Variants in TNFRSF13B observed in about 807,000 individuals in gnomAD.
The protein encoded by TNFRSF13B is TNF receptor superfamily member 13B.
In TNFRSF13B, 34 loss-of-function variants were observed where a neutral mutation model predicts 24.0. That is an observed-to-expected ratio of 1.41 (90% CI 1.08 to 1.88). TNFRSF13B has a LOEUF of 1.88. Among genes scored for constraint, TNFRSF13B ranks in the 40% most tolerant of loss-of-function variants. The probability of loss-of-function intolerance (pLI) is 0.00; values close to 1 mark genes in which losing one functional copy is unlikely to be tolerated. For synonymous variants in TNFRSF13B, 173 were observed against 150.3 expected (o/e 1.15, Z -1.10); for missense variants, 415 against 380.8 (o/e 1.09, Z -0.75).
intron 1 of TNFRSF13B, among the ~76,000 whole-genome samples, chr17:16,967,751 C>CAAAAAAA (rs975103327): frequency 4.5e-4 from 11 of 24,468 alleles, no homozygotes; most frequent in African/African-American, 9.2e-4. Flanking sequence ...GACTCCGTCT[C>CAAAAAAA]AAAAAAAAAA....
chr17:16,940,646 C>G, intron 3 of TNFRSF13B, 135 bp from the exon 4 acceptor site: 1 of 1,510,936 alleles, frequency 6.6e-7, no homozygotes, highest in Non-Finnish European at 8.8e-7. Flanking sequence ...CTTTTCTGAC[C>G]CTGAGGCTGC....
At chr17:16,959,700 A>G (rs2087648595) in intron 1 of TNFRSF13B, among the ~76,000 whole-genome samples, 2 of 152,082 alleles carry the variant, frequency 1.3e-5, no homozygotes, top group South Asian at 2.1e-4. Context: ...ACTATAAACA[A>G]TGGTACACCA....
chr17:16,952,174 G>C, intron 2 of TNFRSF13B, among the ~76,000 whole-genome samples: 1 of 152,222 alleles, frequency 6.6e-6, no homozygotes, highest in Non-Finnish European at 1.5e-5. Flanking sequence ...TGAGTAGGAG[G>C]GAGCTGAGGG....
intron 3 of TNFRSF13B, among the ~76,000 whole-genome samples, chr17:16,945,444 T>C (rs955973604): frequency 1.3e-5 from 2 of 152,248 alleles, no homozygotes; most frequent in African/African-American, 4.8e-5. Context: ...CCCCAGACTG[T>C]GCTCAAATCC....
intron 1 of TNFRSF13B, among the ~76,000 whole-genome samples, chr17:16,966,786 C>T (rs530710622): frequency 6.7e-6 from 1 of 149,646 alleles, no homozygotes; most frequent in South Asian, 2.1e-4. Context: ...AGTATATGTG[C>T]TGCCGAAGTG....
chr17:16,948,409 G>A (rs1234761253), intron 3 of TNFRSF13B, among the ~76,000 whole-genome samples: 1 of 152,228 alleles, frequency 6.6e-6, no homozygotes, highest in African/African-American at 2.4e-5. Context: ...TGGAGGGCAG[G>A]TGGTGGCTGC....
At chr17:16,941,345 C>G in intron 3 of TNFRSF13B, 1 of 987,706 alleles carries the variant, frequency 1.0e-6, no homozygotes, top group South Asian at 4.7e-5. Context: ...CCTGGCCACC[C>G]TATGACTCAG....
At position 16,948,817 on chromosome 17, in the gene TNFRSF13B, C is replaced by A. The variant is rs752157746; in HGVS notation, c.366G>T (p.Arg122=). 4.3e-6 allele frequency: 7 copies of A among 1,614,246 alleles called. No homozygotes were observed. The South Asian group carries it at 7.7e-5, about 18-fold the overall frequency. Residue 122 remains arginine, a synonymous_variant, in exon 3 of 5, where the codon CGG becomes CGT. Transcript: ENST00000261652. ...CTGAATTGTTTTCAACTTCTCCACT[C>A]CGCTGTCTCCTGAGCTCTGGTGGAA... is the stretch of plus-strand genomic sequence containing the variant. ...VNLPPELRRQ[R]SGEVENNSDN...
At chr17:16,962,222 G>C (rs2087667068) in intron 1 of TNFRSF13B, among the ~76,000 whole-genome samples, 1 of 152,138 alleles carries the variant, frequency 6.6e-6, no homozygotes, top group Non-Finnish European at 1.5e-5. Context: ...GAAAAGAAAG[G>C]TAGGCCAGGT....
chr17:16,946,095 G>A (rs183962419), intron 3 of TNFRSF13B, among the ~76,000 whole-genome samples: 5 of 152,308 alleles, frequency 3.3e-5, no homozygotes, highest in East Asian at 1.9e-4. Context: ...ACACACCTCC[G>A]CATTTGGGGA....
rs1331962333 is a variant in TNFRSF13B at position 16,953,266 on chromosome 17, G to A, written c.62-683C>T. On this transcript the variant is annotated intron_variant, in intron 1 of 4. Coordinates refer to ENST00000261652, the MANE Select transcript of TNFRSF13B (RefSeq NM_012452.3). Reference sequence around the variant, plus strand: ...TTAAGTGAATGGTTTCTTTAAGTACGGACCAACTCAGTGCCTAGCACACAG... The same window carrying A: ...TTAAGTGAATGGTTTCTTTAAGTACAGACCAACTCAGTGCCTAGCACACAG... Among the ~76,000 whole-genome samples, 4 of 152,170 alleles carry A rather than the reference G, an allele frequency of 2.6e-5. 1 individual carries two copies. In the South Asian group the frequency reaches 6.2e-4, roughly 24 times the overall value.
chr17:16,972,029 T>G lies in TNFRSF13B; in HGVS notation c.47A>C (p.Asp16Ala). The change falls in exon 1 of 5, where the codon GAC becomes GCC. Residue 16 changes from aspartate to alanine, a missense_variant. Asp to Ala is a moderately radical substitution (Grantham distance 126). Coordinates refer to ENST00000261652, the MANE Select transcript of TNFRSF13B (RefSeq NM_012452.3). ...CGGCTACTCACAGCGCTCCTCCTGG[T>G]CCACACGGCTCCGGCCACCTCGCCT... ...RSRRGGRSRV[D>A]QEERFPQGLW... 1.2e-6 allele frequency: 2 copies of G among 1,614,076 alleles called. No homozygotes were observed. The highest frequency in any genetic ancestry group is 8.5e-7 in the Non-Finnish European group (1 of 1,180,014).
chr17:16,939,886 C>G, intron 4 of TNFRSF13B, 89 bp from the exon 5 acceptor site: 1 of 1,453,432 alleles, frequency 6.9e-7, no homozygotes, highest in Non-Finnish European at 9.1e-7. Context: ...TCTCCCCCGA[C>G]CCAGGAGCTA....
In TNFRSF13B at chr17:16,951,063, A is replaced by G. The variant is rs973959548; in HGVS notation, c.199+1383T>C. 1.1e-4 allele frequency among the ~76,000 whole-genome samples: 17 copies of G among 152,294 alleles called. No individual in the cohort carries two copies. The East Asian group carries it at 1.3e-3, about 12-fold the overall frequency. ...TATTTCCATGGGGCTGGAGCACTCCATCTATGTTTGTGGGATGAACCAATG... is the reference window on the plus strand; with the variant it reads ...TATTTCCATGGGGCTGGAGCACTCCGTCTATGTTTGTGGGATGAACCAATG... On this transcript the variant is annotated intron_variant, in intron 2 of 4. Transcript: ENST00000261652.
intron 1 of TNFRSF13B, among the ~76,000 whole-genome samples, chr17:16,956,982 G>A (rs1455881767): frequency 2.0e-5 from 3 of 152,088 alleles, no homozygotes; most frequent in African/African-American, 4.8e-5. Context: ...CACTGAGAGT[G>A]AACCCTAATG....
intron 1 of TNFRSF13B, among the ~76,000 whole-genome samples, chr17:16,966,832 C>CTTTTTTTTTTT (rs796602708): frequency 3.1e-5 from 3 of 95,846 alleles, no homozygotes; most frequent in East Asian, 4.7e-4. Context: ...TTTTCTTTTT[C>CTTTTTTTTTTT]TTTTTTCTTT....
intron 3 of TNFRSF13B, among the ~76,000 whole-genome samples, chr17:16,948,459 T>G (rs940152413): frequency 1.3e-5 from 2 of 152,250 alleles, no homozygotes; most frequent in Admixed American, 6.5e-5. Context: ...TGCTTACTTG[T>G]GCCTGTGCTT....
At chr17:16,947,222 A>G (rs2087555933) in intron 3 of TNFRSF13B, among the ~76,000 whole-genome samples, 1 of 152,234 alleles carries the variant, frequency 6.6e-6, no homozygotes, top group African/African-American at 2.4e-5. Context: ...TTACAGATTT[A>G]AATGTAAGAC....
At chr17:16,967,552 T>C (rs1232979974) in intron 1 of TNFRSF13B, among the ~76,000 whole-genome samples, 2 of 147,842 alleles carry the variant, frequency 1.4e-5, no homozygotes, top group South Asian at 2.1e-4. Flanking sequence ...CAGGCTAACC[T>C]GACCTAACAT....
Sources: allele counts gnomAD v4.1 joint callset (sites outside exome capture counted in the v4.1 genomes callset), GRCh38; gene constraint gnomAD v4.1.1; transcripts MANE v1.5; gene names NCBI Gene and HGNC (gene_info 2026-07-23, HGNC 2026-07-21).